ELP2: variants seen among roughly 807,000 people sequenced by gnomAD.
ELP2 encodes elongator acetyltransferase complex subunit 2.
ELP2 carries 90 observed loss-of-function variants against 119.2 expected under a neutral mutation model. The ratio of observed to expected loss-of-function variants is 0.75; its 90% CI spans 0.64 to 0.90. The LOEUF is 0.90. ELP2 is among the 40% of genes least tolerant of loss of function. ELP2 has a pLI of 0.00. For missense variants in ELP2, 921 were observed against 967.8 expected, an observed-to-expected ratio of 0.95 and a Z score of 0.64; for synonymous variants, 339 against 331.0, an observed-to-expected ratio of 1.02 and a Z score of -0.26.
At chr18:36,167,273 A>G (rs1246536306) in intron 19 of ELP2, 51 bp downstream of exon 19, 7 of 1,386,692 alleles carry the variant, frequency 5.0e-6, no homozygotes, top group South Asian at 2.8e-5. Flanking sequence ...TAATATTTTT[A>G]TAGGTATGTT....
rs2091211215 is a variant in ELP2, at chr18:36,175,826, C to G, written c.*1185C>G. Reference sequence around the variant, plus strand: ...AACATAGAGCCATTTGGCAGATTGACAATGCAGTGACAGCTGTATATAATA... The same window carrying G: ...AACATAGAGCCATTTGGCAGATTGAGAATGCAGTGACAGCTGTATATAATA... On this transcript the variant is annotated 3_prime_UTR_variant, in exon 22 of 22. Coordinates refer to ENST00000358232, the MANE Select transcript of ELP2 (RefSeq NM_018255.4). 1 of 151,210 alleles carries G rather than the reference C, an allele frequency of 6.6e-6. No individual in the cohort carries two copies. The highest frequency in any genetic ancestry group is 1.5e-5 in the Non-Finnish European group (1 of 67,938). The allele number at this position is 151,210 out of a possible 1,614,324, so 9.4% of individuals were successfully genotyped here.
At chr18:36,163,492 T>A (rs74366851) in intron 17 of ELP2, among the ~76,000 whole-genome samples, 7 of 152,198 alleles carry the variant, frequency 4.6e-5, no homozygotes, top group Non-Finnish European at 7.4e-5. Flanking sequence ...TTTTTTTTTT[T>A]AATTAGGCTG....
Position 36,146,105 on chromosome 18 carries a change from A to G in ELP2, c.993+57A>G, listed in dbSNP as rs898350506. On this transcript the variant is annotated intron_variant, in intron 10 of 21. Coordinates refer to ENST00000358232, the MANE Select transcript of ELP2 (RefSeq NM_018255.4). Reference sequence around the variant, plus strand: ...ATTAAGTTTTGAACTCTGTATTTAAATCCCAAGTCTATATTGATAGACCTG... The same window carrying G: ...ATTAAGTTTTGAACTCTGTATTTAAGTCCCAAGTCTATATTGATAGACCTG... The G allele has an allele frequency of 2.5e-6, 4 of 1,587,830 alleles. No individual in the cohort carries two copies. In the African/African-American group the frequency reaches 4.0e-5, roughly 16 times the overall value.
rs529980428 is a variant in ELP2 at position 36,131,605 on chromosome 18, C to A, written c.138+1534C>A. Among the ~76,000 whole-genome samples, 3 of 152,338 alleles carry A rather than the reference C, an allele frequency of 2.0e-5. No individual in the cohort carries two copies. In the East Asian group the frequency reaches 5.8e-4, roughly 29 times the overall value. On this transcript the variant is annotated intron_variant, in intron 1 of 21. Coordinates refer to ENST00000358232, the MANE Select transcript of ELP2 (RefSeq NM_018255.4). ...TAAAATTAGCAAGGCACACTCTTTG[C>A]CAGTCAACCCACGGTCCTGAGATGT...
intron 11 of ELP2, among the ~76,000 whole-genome samples, chr18:36,149,542 C>T (rs1336299872): frequency 1.8e-5 from 2 of 110,014 alleles, no homozygotes; most frequent in Non-Finnish European, 3.4e-5. Flanking sequence ...CTTGTTGTTG[C>T]AGGCCTGGTC....
intron 11 of ELP2, among the ~76,000 whole-genome samples, chr18:36,149,478 G>GTTTTTTTT (rs1239631733): frequency 0.029 from 1,833 of 63,832 alleles, 81 homozygotes; most frequent in East Asian, 0.054. Flanking sequence ...AGGGTTTTTT[G>GTTTTTTTT]TTTTGTTTTG....
In ELP2 at chr18:36,145,811, T is replaced by G; in HGVS notation, c.893-137T>G. The G allele has an allele frequency of 5.2e-6, 4 of 772,598 alleles. No individual in the cohort carries two copies. The South Asian group carries it at 5.6e-5, about 11-fold the overall frequency. The allele number at this position is 772,598 out of a possible 1,614,324, so 47.9% of individuals were successfully genotyped here. On this transcript the variant is annotated intron_variant, in intron 9 of 21. Coordinates refer to ENST00000358232, the MANE Select transcript of ELP2 (RefSeq NM_018255.4). ...TTCTTCTAATGGTAGACATTTGTGGTGTTTGCAATTTTTTGCTATTACAAA... is the reference window on the plus strand; with the variant it reads ...TTCTTCTAATGGTAGACATTTGTGGGGTTTGCAATTTTTTGCTATTACAAA...
intron 21 of ELP2, 28 bp from the exon 22 acceptor site, chr18:36,174,457 T>C: frequency 6.2e-7 from 1 of 1,608,812 alleles, no homozygotes; most frequent in East Asian, 2.2e-5. Context: ...TGGAAAAACA[T>C]TTCATGATTT....
intron 17 of ELP2, among the ~76,000 whole-genome samples, chr18:36,162,690 A>G (rs950502595): frequency 2.6e-5 from 4 of 152,148 alleles, no homozygotes; most frequent in Non-Finnish European, 5.9e-5. Context: ...AGTGTATTAG[A>G]TTTCCAGTTG....
chr18:36,147,324 G>T (rs1252128802), intron 11 of ELP2, among the ~76,000 whole-genome samples: 1 of 151,882 alleles, frequency 6.6e-6, no homozygotes, highest in Non-Finnish European at 1.5e-5. Flanking sequence ...TGATCCTCCC[G>T]CCTCAGTCTC....
At chr18:36,152,043 GC>G (rs1262722180) in intron 11 of ELP2, among the ~76,000 whole-genome samples, 3 of 151,710 alleles carry the variant, frequency 2.0e-5, no homozygotes, top group Non-Finnish European at 4.4e-5. Context: ...GAGCCACCAT[GC>G]CCAGCCAGTT....
In ELP2 at chr18:36,146,528, G is replaced by C. The variant is rs961520599; in HGVS notation, c.1125+147G>C. On this transcript the variant is annotated intron_variant, in intron 11 of 21. Coordinates refer to ENST00000358232, the MANE Select transcript of ELP2 (RefSeq NM_018255.4). ...AACTTTTTTCTGTAGACATTGTTAA[G>C]GTATTGAAATTTGCATGTAGGTAAA... 18 of 838,152 alleles carry C rather than the reference G, an allele frequency of 2.1e-5. No individual in the cohort carries two copies. In the African/African-American group the frequency reaches 3.1e-4, roughly 14 times the overall value. The allele number at this position is 838,152 out of a possible 1,614,324, so 51.9% of individuals were successfully genotyped here.
At chr18:36,139,478 G>A (rs2089947395) in intron 5 of ELP2, 8 of 1,535,686 alleles carry the variant, frequency 5.2e-6, no homozygotes, top group Non-Finnish European at 5.2e-6. Context: ...AGCCTCTCTC[G>A]CCCTCTGTAG....
At chr18:36,136,273 A>G (rs2089820798) in intron 2 of ELP2, 34 bp from the exon 3 acceptor site, 2 of 1,520,518 alleles carry the variant, frequency 1.3e-6, no homozygotes, top group Non-Finnish European at 1.8e-6. Context: ...GAAAAAATGA[A>G]TAAAGATATT....
At chr18:36,137,463 T>C (rs191263221) in intron 3 of ELP2, among the ~76,000 whole-genome samples, 46 of 152,250 alleles carry the variant, frequency 3.0e-4, no homozygotes, top group African/African-American at 1.1e-3. Context: ...AGTATTATAA[T>C]TGGAAAAACA....
intron 11 of ELP2, among the ~76,000 whole-genome samples, chr18:36,154,566 T>C (rs1223854182): frequency 5.3e-5 from 8 of 152,216 alleles, no homozygotes; most frequent in Non-Finnish European, 1.2e-4. Context: ...TATTCTATAA[T>C]TGAGACACAG....
At chr18:36,139,223 G>A (rs2089937677) in intron 5 of ELP2, among the ~76,000 whole-genome samples, 1 of 152,202 alleles carries the variant, frequency 6.6e-6, no homozygotes, top group African/African-American at 2.4e-5. Context: ...AGTGTTGAAT[G>A]AAGATGGCAT....
At position 36,175,088 on chromosome 18, in the gene ELP2, A is replaced by T. The variant is rs539534255; in HGVS notation, c.*447A>T. On this transcript the variant is annotated 3_prime_UTR_variant, in exon 22 of 22. Transcript: ENST00000358232. Reference sequence around the variant, plus strand: ...AGCTATATGGACCCTTCGCTTTGTTATATAACATATGCACACATACCCAGA... The same window carrying T: ...AGCTATATGGACCCTTCGCTTTGTTTTATAACATATGCACACATACCCAGA... 1 of 167,910 alleles carries T rather than the reference A, an allele frequency of 6.0e-6. No homozygotes were observed. The highest frequency in any genetic ancestry group is 2.4e-5 in the African/African-American group (1 of 41,770). 10.4% of individuals were successfully genotyped at this position (167,910 alleles called of 1,614,324 possible). A position where few individuals can be genotyped will look rare whatever the true frequency, so the allele number is the denominator to read the frequency against.
intron 19 of ELP2, among the ~76,000 whole-genome samples, chr18:36,169,137 G>C (rs558175458): frequency 6.6e-6 from 1 of 151,550 alleles, no homozygotes; most frequent in South Asian, 2.1e-4. Context: ...TGTGGGCCAG[G>C]CTGGTTTTGA....
Sources: gnomAD v4.1 joint callset for allele counts (sites outside exome capture counted in the v4.1 genomes callset) on GRCh38, gnomAD v4.1.1 for gene constraint, MANE v1.5 for transcripts, NCBI Gene and HGNC (gene_info 2026-07-23, HGNC 2026-07-21) for gene names.